The following SAMD10 variants were observed in gnomAD, a reference collection of about 807,000 sequenced individuals.
SAMD10 encodes sterile alpha motif domain containing 10, also known as sterile alpha motif domain-containing protein 10.
In SAMD10, 16 loss-of-function variants were observed where a neutral mutation model predicts 22.5. The ratio of observed to expected loss-of-function variants is 0.71; its 90% CI spans 0.48 to 1.08. SAMD10 has a LOEUF of 1.08. SAMD10 is among the 50% of genes least tolerant of loss of function. The pLI is 0.00. For missense variants in SAMD10, 227 were observed against 281.3 expected (o/e 0.81, Z 1.38); for synonymous variants, 118 against 122.2 (o/e 0.97, Z 0.23).
At position 63,977,615 on chromosome 20, in the gene SAMD10, A is replaced by G. The variant is rs113179494; in HGVS notation, c.92-209T>C. 0.011 allele frequency among the ~76,000 whole-genome samples: 1,623 copies of G among 152,324 alleles called. 36 individuals are homozygous for G. The highest frequency in any genetic ancestry group is 0.037 in the African/African-American group (1,550 of 41,560). ...GCACAAAAAGAGAAGAACTGGAAAC[A>G]CCTTTCATCTTGCAAGTCTACAGCC... On this transcript the variant is annotated intron_variant, in intron 1 of 4. Transcript: ENST00000369886. The surrounding 1 kb of genome is among the most constrained non-coding windows in gnomAD (Gnocchi z 5.4).
In SAMD10 at chr20:63,974,219, A is replaced by G. The variant is rs2059006086; in HGVS notation, c.*1291T>C. On this transcript the variant is annotated 3_prime_UTR_variant, in exon 5 of 5. Coordinates refer to ENST00000369886, the MANE Select transcript of SAMD10 (RefSeq NM_080621.5). ...GAGACAGGCGTGCGTGGGCCAGGGC[A>G]AGACAGAGGAGAAGGGAGGGAAGCA... The G allele has an allele frequency of 6.6e-6, 1 of 152,364 alleles. No individual in the cohort carries two copies. Among genetic ancestry groups the G allele is most frequent in the African/African-American group, 2.4e-5 (1 of 41,446 alleles). 9.4% of individuals were successfully genotyped at this position (152,364 alleles called of 1,614,324 possible).
In SAMD10 at chr20:63,977,159, T is replaced by G. The variant is rs2059029940; in HGVS notation, c.274-17A>C. 1 of 1,589,968 alleles carries G rather than the reference T, an allele frequency of 6.3e-7. No homozygotes were observed. Among genetic ancestry groups the G allele is most frequent in the Non-Finnish European group, 8.6e-7 (1 of 1,167,068 alleles). On this transcript the variant is annotated splice_polypyrimidine_tract_variant and intron_variant, in intron 2 of 4. Coordinates refer to ENST00000369886, the MANE Select transcript of SAMD10 (RefSeq NM_080621.5). The surrounding 1 kb of genome is among the most constrained non-coding windows in gnomAD (Gnocchi z 5.4). Reference sequence around the variant, plus strand: ...CAGCCGGCCCTGCAGGGGAGGGGCGTGGCAGGCAGAGTGAGAGTGGTGGAG... The same window carrying G: ...CAGCCGGCCCTGCAGGGGAGGGGCGGGGCAGGCAGAGTGAGAGTGGTGGAG...
Position 63,977,849 on chromosome 20 carries a change from A to G in SAMD10, c.92-443T>C, listed in dbSNP as rs1221022526. ...GGAAAGGCAGATCCCGAGTCCGGGG[A>G]GGTCGTCTGTGCTGGGGAAACCGGG... On this transcript the variant is annotated intron_variant, in intron 1 of 4. Coordinates refer to ENST00000369886, the MANE Select transcript of SAMD10 (RefSeq NM_080621.5). This position sits in a 1 kb window ranked among gnomAD's most constrained non-coding sequence, Gnocchi z 5.4. Among the ~76,000 whole-genome samples the G allele has an allele frequency of 2.0e-5, 3 of 152,218 alleles. No individual in the cohort carries two copies. The East Asian group carries it at 5.8e-4, about 29-fold the overall frequency.
rs1184934825 is a variant in SAMD10, at chr20:63,977,316, G to C, written c.182C>G (p.Thr61Ser). Residue 61 changes from threonine to serine, a missense_variant, in exon 2 of 5, where the codon ACC becomes AGC. Physicochemically the swap from Thr to Ser is moderately conservative, Grantham distance 58. Coordinates refer to ENST00000369886, the MANE Select transcript of SAMD10 (RefSeq NM_080621.5). This position sits in a 1 kb window ranked among gnomAD's most constrained non-coding sequence, Gnocchi z 5.4. ...GCGGGAGTCATGCCACGTGAGGCTG[G>C]TGCCAGGTGTCCGAGGCAAGTGGCA... is the stretch of plus-strand genomic sequence containing the variant. ...IPCHLPRTPG[T>S]SLTWHDSRSQ... 3.1e-6 allele frequency: 5 copies of C among 1,613,424 alleles called. No individual in the cohort carries two copies. Among genetic ancestry groups the C allele is most frequent in the Non-Finnish European group, 4.2e-6 (5 of 1,180,040 alleles).
intron 3 of SAMD10, among the ~76,000 whole-genome samples, chr20:63,976,566 C>A (rs1451303452): frequency 5.9e-5 from 9 of 151,634 alleles, no homozygotes; most frequent in Admixed American, 5.9e-4. Flanking sequence ...AGTTCGAGAT[C>A]ATCCTGGGCA....
chr20:63,978,305 C>G, intron 1 of SAMD10: 1 of 1,303,062 alleles, frequency 7.7e-7, no homozygotes, highest in African/African-American at 1.5e-5. Flanking sequence ...ACCCCACATT[C>G]ATTGTCAATG....
chr20:63,979,211 C>T lies in SAMD10; in HGVS notation c.91+166G>A, dbSNP rs200970057. ...CCCCAAGGCCTGAGGCTGGCTGCCC[C>T]CTAAAGCAGGACAAAGGCTACGGGA... On this transcript the variant is annotated intron_variant, in intron 1 of 4. Coordinates refer to ENST00000369886, the MANE Select transcript of SAMD10 (RefSeq NM_080621.5). The surrounding 1 kb of genome is among the most constrained non-coding windows in gnomAD (Gnocchi z 7.7). 6.3e-4 allele frequency among the ~76,000 whole-genome samples: 96 copies of T among 152,178 alleles called. 1 individual carries two copies. In the East Asian group the frequency reaches 0.01, roughly 16 times the overall value.
chr20:63,975,327 G>C lies in SAMD10; in HGVS notation c.*183C>G. The C allele has an allele frequency of 2.7e-5, 16 of 584,780 alleles. No homozygotes were observed. Among genetic ancestry groups the C allele is most frequent in the East Asian group, 7.5e-5 (2 of 26,742 alleles). The allele number at this position is 584,780 out of a possible 1,614,324, so 36.2% of individuals were successfully genotyped here. A position where few individuals can be genotyped will look rare whatever the true frequency, so the allele number is the denominator to read the frequency against. On this transcript the variant is annotated 3_prime_UTR_variant, in exon 5 of 5. Transcript: ENST00000369886. ...CCCTACCCACCCAGCCCCAGGGCAC[G>C]ACCTGGAATGTCCAACCAGAGGCGC...
In SAMD10 at chr20:63,974,893, G is replaced by A. The variant is rs1343281242; in HGVS notation, c.*617C>T. 2.6e-5 allele frequency: 4 copies of A among 155,192 alleles called. No homozygotes were observed. In the East Asian group the frequency reaches 7.7e-4, roughly 30 times the overall value. 9.6% of individuals were successfully genotyped at this position (155,192 alleles called of 1,614,324 possible). A position where few individuals can be genotyped will look rare whatever the true frequency, so the allele number is the denominator to read the frequency against. ...AGCTTTACTTCTCATGAATAGAGGG[G>A]GTGTGGTGACGATGTATAAATAATG... is the stretch of plus-strand genomic sequence containing the variant. On this transcript the variant is annotated 3_prime_UTR_variant, in exon 5 of 5. Coordinates refer to ENST00000369886, the MANE Select transcript of SAMD10 (RefSeq NM_080621.5).
chr20:63,977,360 C>G lies in SAMD10; in HGVS notation c.138G>C (p.Val46=), dbSNP rs775305977. ...SFCRTLLEHT[V]SAESIPCHLP... ...AGTGGCAGGGGATGCTCTCAGCTGA[C>G]ACCGTGTGCTCCAGGAGGGTCCGGC... is the stretch of plus-strand genomic sequence containing the variant. Residue 46 remains valine (V), a synonymous_variant, in exon 2 of 5, where the codon GTG becomes GTC. Coordinates refer to ENST00000369886, the MANE Select transcript of SAMD10 (RefSeq NM_080621.5). The surrounding 1 kb of genome is among the most constrained non-coding windows in gnomAD (Gnocchi z 5.4). 6.2e-7 allele frequency: 1 copy of G among 1,613,236 alleles called. No individual in the cohort carries two copies. Among genetic ancestry groups the G allele is most frequent in the African/African-American group, 1.3e-5 (1 of 74,898 alleles).
intron 3 of SAMD10, 68 bp from the exon 4 acceptor site, chr20:63,975,900 C>T: frequency 6.9e-7 from 1 of 1,456,716 alleles, no homozygotes; most frequent in Non-Finnish European, 9.0e-7. Context: ...AAGGCTGGTG[C>T]CATGGCTCAT....
chr20:63,979,583 G>A lies in SAMD10; in HGVS notation c.-116C>T, dbSNP rs1176405892. ...CCCCGCCCCAGCCGGCCCCGCGCCC[G>A]AGCCGGTCCCCGCGGCCCGCGAGTG... On this transcript the variant is annotated 5_prime_UTR_variant, in exon 1 of 5. Coordinates refer to ENST00000369886, the MANE Select transcript of SAMD10 (RefSeq NM_080621.5). The surrounding 1 kb of genome is among the most constrained non-coding windows in gnomAD (Gnocchi z 7.7). 1 of 984,338 alleles carries A rather than the reference G, an allele frequency of 1.0e-6. No individual in the cohort carries two copies. The highest frequency in any genetic ancestry group is 1.2e-6 in the Non-Finnish European group (1 of 830,126). The allele number at this position is 984,338 out of a possible 1,614,324, so 61.0% of individuals were successfully genotyped here.
rs116165844 is a variant in SAMD10, at chr20:63,979,203, G to T, written c.91+174C>A. 0.1 allele frequency among the ~76,000 whole-genome samples: 15,282 copies of T among 151,948 alleles called. 921 individuals are homozygous for T. The highest frequency in any genetic ancestry group is 0.17 in the Middle Eastern group (51 of 294). ...GCGCTGACCCCCAAGGCCTGAGGCT[G>T]GCTGCCCCCTAAAGCAGGACAAAGG... On this transcript the variant is annotated intron_variant, in intron 1 of 4. Coordinates refer to ENST00000369886, the MANE Select transcript of SAMD10 (RefSeq NM_080621.5). This position sits in a 1 kb window ranked among gnomAD's most constrained non-coding sequence, Gnocchi z 7.7.
intron 3 of SAMD10, among the ~76,000 whole-genome samples, chr20:63,976,159 C>T (rs763893040): frequency 3.3e-5 from 5 of 150,944 alleles, no homozygotes; most frequent in East Asian, 1.9e-4. Context: ...GATGACAGAG[C>T]GAGACTCCTT....
In SAMD10 at chr20:63,976,861, G is replaced by A; in HGVS notation, c.445+110C>T. 3 of 1,016,806 alleles carry A rather than the reference G, an allele frequency of 3.0e-6. No individual in the cohort carries two copies. In the South Asian group the frequency reaches 4.4e-5, roughly 15 times the overall value. The allele number at this position is 1,016,806 out of a possible 1,614,324, so 63.0% of individuals were successfully genotyped here. ...ACAGAGGGGAGGTTGATTCACAGGA[G>A]AAACTAGACAGACGAAAACAACAGC... On this transcript the variant is annotated intron_variant, in intron 3 of 4. Transcript: ENST00000369886.
rs1362788978 is a variant in SAMD10, at chr20:63,979,082, G to A, written c.91+295C>T. On this transcript the variant is annotated intron_variant, in intron 1 of 4. Transcript: ENST00000369886. This position sits in a 1 kb window ranked among gnomAD's most constrained non-coding sequence, Gnocchi z 7.7. ...TCGGCCCCACTGCAAAAGCGGGGGAGGGTTTTCCCCGTGCGCAGGAAAAGG... is the reference window on the plus strand; with the variant it reads ...TCGGCCCCACTGCAAAAGCGGGGGAAGGTTTTCCCCGTGCGCAGGAAAAGG... 1.3e-5 allele frequency among the ~76,000 whole-genome samples: 2 copies of A among 152,182 alleles called. No individual in the cohort carries two copies. The highest frequency in any genetic ancestry group is 1.3e-4 in the Admixed American group (2 of 15,282).
In SAMD10 at chr20:63,977,475, G is replaced by A. The variant is rs1462707405; in HGVS notation, c.92-69C>T. ...AGAGGCTTCCTCTACTTGAGAGCTA[G>A]CTCCCTGCCCCATCTCCTCCACACT... On this transcript the variant is annotated intron_variant, in intron 1 of 4. Coordinates refer to ENST00000369886, the MANE Select transcript of SAMD10 (RefSeq NM_080621.5). This position sits in a 1 kb window ranked among gnomAD's most constrained non-coding sequence, Gnocchi z 5.4. 12 of 1,504,074 alleles carry A rather than the reference G, an allele frequency of 8.0e-6. No homozygotes were observed. The highest frequency in any genetic ancestry group is 1.4e-5 in the African/African-American group (1 of 72,722). The allele number at this position is 1,504,074 out of a possible 1,614,324, so 93.2% of individuals were successfully genotyped here.
chr20:63,975,562 T>C (rs1359656773), intron 4 of SAMD10, 30 bp from the exon 5 acceptor site: 2 of 1,600,752 alleles, frequency 1.2e-6, no homozygotes, highest in Admixed American at 1.8e-5. Flanking sequence ...GAGAATGGGG[T>C]GGGGTCTTTG....
chr20:63,976,940 C>T (rs771412189), intron 3 of SAMD10, 31 bp downstream of exon 3: 13 of 1,611,644 alleles, frequency 8.1e-6, no homozygotes, highest in Non-Finnish European at 1.1e-5. Context: ...AGGTTAGCCC[C>T]ACTCCCACAG....
Sources: allele counts gnomAD v4.1 joint callset (sites outside exome capture counted in the v4.1 genomes callset), GRCh38; gene constraint gnomAD v4.1.1; non-coding constraint Gnocchi (gnomAD v3.1); transcripts MANE v1.5; gene names NCBI Gene and HGNC (gene_info 2026-07-23, HGNC 2026-07-21).